Variants in ENPP2 observed in about 807,000 individuals in gnomAD.
ENPP2 encodes ectonucleotide pyrophosphatase/phosphodiesterase 2.
ENPP2 carries 51 observed loss-of-function variants against 120.2 expected under a neutral mutation model. That is an observed-to-expected ratio of 0.42 (90% CI 0.34 to 0.54). The LOEUF is 0.54. Ranked by LOEUF, ENPP2 falls within the 20% of genes least tolerant of loss-of-function variation. The probability of loss-of-function intolerance (pLI) is 0.04; values close to 1 mark genes in which losing one functional copy is unlikely to be tolerated. For synonymous variants in ENPP2, 365 were observed against 366.4 expected (o/e 1.00, Z 0.04); for missense variants, 920 against 1,066.5 (o/e 0.86, Z 1.91).
At chr8:119,630,344 G>A (rs112562285) in intron 2 of ENPP2, among the ~76,000 whole-genome samples, 230 of 152,230 alleles carry the variant, frequency 1.5e-3, no homozygotes, top group African/African-American at 5.2e-3. Flanking sequence ...CTGACCTCAG[G>A]TGATCCACCT....
chr8:119,603,014 G>A (rs947345934), intron 9 of ENPP2, among the ~76,000 whole-genome samples: 1 of 152,016 alleles, frequency 6.6e-6, no homozygotes, highest in Non-Finnish European at 1.5e-5. Flanking sequence ...TATCACACAA[G>A]ACCAGAAAAT....
intron 8 of ENPP2, among the ~76,000 whole-genome samples, chr8:119,608,991 G>T (rs543419292): frequency 2.0e-5 from 3 of 152,188 alleles, no homozygotes; most frequent in African/African-American, 7.2e-5. Context: ...TAAAGAAAGA[G>T]AATGGAAGCA....
At chr8:119,583,852 G>A in intron 16 of ENPP2, 48 bp from the exon 17 acceptor site, 1 of 1,403,216 alleles carries the variant, frequency 7.1e-7, no homozygotes, top group Non-Finnish European at 1.0e-6. Flanking sequence ...TGTTAGGTAG[G>A]AACCCTTCCT....
chr8:119,600,893 C>CTTT, intron 10 of ENPP2, 143 bp from the exon 11 acceptor site: 4 of 474,460 alleles, frequency 8.4e-6, no homozygotes, highest in Admixed American at 3.8e-5. Flanking sequence ...GCATGAAAAA[C>CTTT]TTTTTTTTTT....
At chr8:119,656,483 A>T (rs1463791024) in intron 1 of ENPP2, among the ~76,000 whole-genome samples, 2 of 152,196 alleles carry the variant, frequency 1.3e-5, no homozygotes, top group Non-Finnish European at 2.9e-5. Flanking sequence ...CCATTTGCTG[A>T]ACATTTAACA....
chr8:119,575,255 C>A (rs1185856632), intron 19 of ENPP2, among the ~76,000 whole-genome samples: 1 of 152,010 alleles, frequency 6.6e-6, no homozygotes, highest in African/African-American at 2.4e-5. Context: ...GAATCCCAGG[C>A]CATTACTCTT....
At chr8:119,559,976 C>A (rs939852474) in intron 24 of ENPP2, among the ~76,000 whole-genome samples, 1 of 152,138 alleles carries the variant, frequency 6.6e-6, no homozygotes, top group South Asian at 2.1e-4. Flanking sequence ...AGTCAGGAAC[C>A]AGTAGGGAGA....
intron 1 of ENPP2, among the ~76,000 whole-genome samples, chr8:119,663,647 G>C (rs1164342716): frequency 6.6e-6 from 1 of 152,092 alleles, no homozygotes; most frequent in African/African-American, 2.4e-5. Context: ...GAAAAGAATT[G>C]CATTCTTATG....
At chr8:119,621,636 T>C (rs1163496896) in intron 3 of ENPP2, 117 bp from the exon 4 acceptor site, 5 of 1,106,436 alleles carry the variant, frequency 4.5e-6, no homozygotes, top group Admixed American at 2.0e-5. Flanking sequence ...TTTACTCTGC[T>C]TGTGAAATTT....
At position 119,570,697 on chromosome 8, in the gene ENPP2, T is replaced by G; in HGVS notation, c.1917+8A>C. The G allele has an allele frequency of 6.7e-7, 1 of 1,496,296 alleles. No homozygotes were observed. The highest frequency in any genetic ancestry group is 9.0e-7 in the Non-Finnish European group (1 of 1,112,540). The allele number at this position is 1,496,296 out of a possible 1,614,324, so 92.7% of individuals were successfully genotyped here. A position where few individuals can be genotyped will look rare whatever the true frequency, so the allele number is the denominator to read the frequency against. On this transcript the variant is annotated splice_region_variant and intron_variant, in intron 20 of 24. Coordinates refer to ENST00000075322, the MANE Select transcript of ENPP2 (RefSeq NM_001040092.3). ...ATAAAAAATATAAAATCCAATTTTC[T>G]CAATGACCTGTTTGGAAACAGTATA... is the stretch of plus-strand genomic sequence containing the variant.
chr8:119,580,894 TA>T (rs1812686318), intron 18 of ENPP2: 2 of 152,158 alleles, frequency 1.3e-5, no homozygotes, highest in African/African-American at 4.8e-5. Flanking sequence ...TAGCATTTAT[TA>T]AAAATTTTAC....
intron 1 of ENPP2, among the ~76,000 whole-genome samples, chr8:119,669,647 G>T (rs768178950): frequency 2.6e-5 from 4 of 152,108 alleles, no homozygotes; most frequent in Non-Finnish European, 5.9e-5. Flanking sequence ...TTCCTAACTG[G>T]AGGTTCATTA....
intron 2 of ENPP2, among the ~76,000 whole-genome samples, chr8:119,630,920 G>A (rs1158880424): frequency 6.6e-6 from 1 of 150,584 alleles, no homozygotes; most frequent in Non-Finnish European, 1.5e-5. Flanking sequence ...CTGAGACGGA[G>A]TTTTGCTCTT....
intron 1 of ENPP2, among the ~76,000 whole-genome samples, chr8:119,662,659 C>G (rs2130899643): frequency 6.6e-6 from 1 of 152,276 alleles, no homozygotes; most frequent in Middle Eastern, 3.4e-3. Context: ...TTTTGCTTTG[C>G]AAGTGTGAAA....
At chr8:119,650,544 A>C (rs1321952320) in intron 1 of ENPP2, among the ~76,000 whole-genome samples, 1 of 152,224 alleles carries the variant, frequency 6.6e-6, no homozygotes, top group African/African-American at 2.4e-5. Context: ...GCAAATTCCA[A>C]AGCATCTGGA....
intron 22 of ENPP2, 152 bp from the exon 23 acceptor site, chr8:119,565,107 G>T (rs1004464890): frequency 1.6e-6 from 1 of 617,822 alleles, no homozygotes; most frequent in African/African-American, 1.9e-5. Flanking sequence ...CAATTCTATG[G>T]CATTACCAGT....
chr8:119,620,499 A>AT (rs895809133), intron 4 of ENPP2, among the ~76,000 whole-genome samples: 27 of 152,240 alleles, frequency 1.8e-4, no homozygotes, highest in African/African-American at 6.5e-4. Flanking sequence ...AAGTAACTTG[A>AT]TTTTTTTCCT....
Position 119,607,859 on chromosome 8 carries a change from A to C in ENPP2, c.833+63T>G, listed in dbSNP as rs1011086155. 56 of 971,614 alleles carry C rather than the reference A, an allele frequency of 5.8e-5. No individual in the cohort carries two copies. The African/African-American group carries it at 8.3e-4, about 14-fold the overall frequency. The allele number at this position is 971,614 out of a possible 1,614,324, so 60.2% of individuals were successfully genotyped here. A position where few individuals can be genotyped will look rare whatever the true frequency, so the allele number is the denominator to read the frequency against. Reference sequence around the variant, plus strand: ...CTGAAACAAAATAAAACTTAAATTGATGTTTTAGAAATTGAATCATAGCTG... The same window carrying C: ...CTGAAACAAAATAAAACTTAAATTGCTGTTTTAGAAATTGAATCATAGCTG... On this transcript the variant is annotated intron_variant, in intron 9 of 24. Transcript: ENST00000075322.
upstream of ENPP2, among the ~76,000 whole-genome samples, chr8:119,639,510 C>T (rs1392703436): frequency 6.6e-6 from 1 of 152,080 alleles, no homozygotes; most frequent in Admixed American, 6.6e-5. Context: ...AAATGCCAGC[C>T]ACGCAGCATA....
Sources: gnomAD v4.1 joint callset for allele counts (sites outside exome capture counted in the v4.1 genomes callset) on GRCh38, gnomAD v4.1.1 for gene constraint, MANE v1.5 for transcripts, NCBI Gene and HGNC (gene_info 2026-07-23, HGNC 2026-07-21) for gene names.